GLRA2: variants seen among roughly 807,000 people sequenced by gnomAD.
GLRA2 encodes the protein glycine receptor subunit alpha-2.
A neutral mutation model predicts 31.6 loss-of-function variants in GLRA2; 11 were observed. The ratio of observed to expected loss-of-function variants is 0.35; its 90% CI spans 0.22 to 0.58. The LOEUF is 0.58. Ranked by LOEUF, GLRA2 falls within the 20% of genes least tolerant of loss-of-function variation. The pLI is 0.84. For synonymous variants in GLRA2, 132 were observed against 134.0 expected (o/e 0.99, Z 0.10); for missense variants, 212 against 351.8 (o/e 0.60, Z 3.18).
intron 7 of GLRA2, among the ~76,000 whole-genome samples, chrX:14,682,780 T>C (rs2091228937): frequency 9.6e-6 from 1 of 104,083 alleles, no homozygotes; most frequent in Non-Finnish European, 2.0e-5. Context: ...AATTCTCACC[T>C]ATGAGTGAGA....
chrX:14,517,533 A>G, the GLRA2 span, among the ~76,000 whole-genome samples: 2 of 111,742 alleles, frequency 1.8e-5, no homozygotes, highest in Non-Finnish European at 3.8e-5. Flanking sequence ...AAAGCCCCCT[A>G]TAAAACCATC....
chrX:14,479,319 C>T, the GLRA2 span, among the ~76,000 whole-genome samples: 1 of 111,949 alleles, frequency 8.9e-6, no homozygotes, highest in Non-Finnish European at 1.9e-5. Context: ...CATTGCAGAA[C>T]CAGAATGGTT....
intron 4 of GLRA2, among the ~76,000 whole-genome samples, chrX:14,598,922 T>C: frequency 8.9e-6 from 1 of 112,405 alleles, no homozygotes; most frequent in East Asian, 2.8e-4. Flanking sequence ...TGAAATAGTT[T>C]ACAGTGTCTG....
intron 7 of GLRA2, among the ~76,000 whole-genome samples, chrX:14,651,737 G>A (rs992578370): frequency 1.2e-4 from 13 of 111,669 alleles, no homozygotes; most frequent in African/African-American, 3.9e-4. Context: ...TATCCCCATT[G>A]TTAGGTGACA....
intron 7 of GLRA2, among the ~76,000 whole-genome samples, chrX:14,615,749 T>C (rs1251213440): frequency 4.5e-5 from 5 of 111,540 alleles, no homozygotes; most frequent in Non-Finnish European, 9.4e-5. Context: ...TAGAAAAAAA[T>C]CTGGGTACAT....
chrX:14,499,094 A>G, the GLRA2 span, among the ~76,000 whole-genome samples: 1 of 112,155 alleles, frequency 8.9e-6, no homozygotes, highest in Non-Finnish European at 1.9e-5. Flanking sequence ...TATCTCTTTG[A>G]TACATTGATT....
At chrX:14,496,975 G>A in the GLRA2 span, among the ~76,000 whole-genome samples, 20 of 111,761 alleles carry the variant, frequency 1.8e-4, no homozygotes, top group African/African-American at 5.8e-4. Flanking sequence ...TCTTTTCATT[G>A]TACACATGTT....
intron 7 of GLRA2, among the ~76,000 whole-genome samples, chrX:14,680,080 A>G (rs1353010322): frequency 1.8e-5 from 2 of 112,618 alleles, no homozygotes; most frequent in African/African-American, 6.5e-5. Flanking sequence ...TCCACAGACA[A>G]TATGTAAATG....
chrX:14,627,132 A>G (rs753727038), intron 7 of GLRA2, among the ~76,000 whole-genome samples: 11 of 111,431 alleles, frequency 9.9e-5, no homozygotes, highest in Non-Finnish European at 2.1e-4. Context: ...ATATTTAAAA[A>G]AATAAGTTAA....
intron 4 of GLRA2, among the ~76,000 whole-genome samples, chrX:14,591,510 G>T (rs776067461): frequency 6.3e-5 from 7 of 111,952 alleles, no homozygotes; most frequent in East Asian, 5.7e-4. Context: ...AAGACCGGAA[G>T]ACTCAGCAAG....
At chrX:14,603,914 C>A (rs2090303677) in intron 4 of GLRA2, among the ~76,000 whole-genome samples, 1 of 111,601 alleles carries the variant, frequency 9.0e-6, no homozygotes, top group Non-Finnish European at 1.9e-5. Context: ...GTCCTTGAAG[C>A]AAAGTCCAAG....
chrX:14,607,455 G>A (rs193245219), intron 6 of GLRA2, among the ~76,000 whole-genome samples, 187 bp downstream of exon 6: 32 of 111,149 alleles, frequency 2.9e-4, no homozygotes, highest in Non-Finnish European at 6.0e-4. Flanking sequence ...GAATAGGTCA[G>A]CAAACACAAG....
intron 5 of GLRA2, among the ~76,000 whole-genome samples, chrX:14,605,598 G>A (rs2090325498): frequency 2.7e-5 from 3 of 111,771 alleles, no homozygotes; most frequent in Admixed American, 9.5e-5. Context: ...AACAGTAGCC[G>A]TAGCTGTCAA....
chrX:14,666,644 T>C (rs1569518953), intron 7 of GLRA2, among the ~76,000 whole-genome samples: 1 of 112,122 alleles, frequency 8.9e-6, no homozygotes, highest in Admixed American at 9.5e-5. Context: ...AATTCCACCA[T>C]GATGATGAGA....
chrX:14,607,130 G>A lies in GLRA2; in HGVS notation c.578-1G>A. 1 of 1,184,768 alleles carries A rather than the reference G, an allele frequency of 8.4e-7. No individual in the cohort carries two copies. On this transcript the variant is annotated splice_acceptor_variant, in intron 5 of 8. Coordinates refer to ENST00000218075, the MANE Select transcript of GLRA2 (RefSeq NM_002063.4). LOFTEE classifies it high-confidence loss of function. ...TTTTCACTATGATTTCTTTACCTCA[G>A]TTGGGTACACGATGAATGACCTGAT... is the stretch of plus-strand genomic sequence containing the variant.
intron 2 of GLRA2, among the ~76,000 whole-genome samples, chrX:14,567,687 A>G (rs2089825260): frequency 8.9e-6 from 1 of 112,296 alleles, no homozygotes; most frequent in Non-Finnish European, 1.9e-5. Context: ...AGGAGGAAGT[A>G]TATCTTTACT....
chrX:14,567,413 A>G (rs2089821634), intron 2 of GLRA2, among the ~76,000 whole-genome samples: 1 of 112,331 alleles, frequency 8.9e-6, no homozygotes. Flanking sequence ...AATGATTTTT[A>G]AAAACACTCA....
At chrX:14,608,964 C>A in intron 6 of GLRA2, 27 bp from the exon 7 acceptor site, 5 of 686,982 alleles carry the variant, frequency 7.3e-6, no homozygotes, top group Non-Finnish European at 1.2e-5. Flanking sequence ...TCAGGCTGGA[C>A]TTTAAATGAT....
intron 8 of GLRA2, among the ~76,000 whole-genome samples, chrX:14,692,432 A>C (rs2091374245): frequency 8.9e-6 from 1 of 112,075 alleles, no homozygotes; most frequent in Non-Finnish European, 1.9e-5. Flanking sequence ...CAGAGTTAAA[A>C]GAATTCATGC....
Sources: gnomAD v4.1 joint callset for allele counts (sites outside exome capture counted in the v4.1 genomes callset) on GRCh38, gnomAD v4.1.1 for gene constraint, MANE v1.5 for transcripts, NCBI Gene and HGNC (gene_info 2026-07-23, HGNC 2026-07-21) for gene names.